Variants in SYNE1 observed in about 807,000 individuals in gnomAD.
SYNE1 encodes spectrin repeat containing nuclear envelope protein 1, also known as nesprin-1.
A neutral mutation model predicts 1,111.0 loss-of-function variants in SYNE1; 616 were observed. The ratio of observed to expected loss-of-function variants is 0.55; its 90% CI spans 0.52 to 0.59. The LOEUF (loss-of-function observed/expected upper bound fraction) is 0.59, where lower values mean the gene tolerates loss of function less well. Ranked by LOEUF, SYNE1 falls within the 20% of genes least tolerant of loss-of-function variation. The probability of loss-of-function intolerance (pLI) is 0.00; values close to 1 mark genes in which losing one functional copy is unlikely to be tolerated. For missense variants in SYNE1, 10,006 were observed against 10,417.0 expected (o/e 0.96, Z 1.72); for synonymous variants, 3,855 against 3,825.8 (o/e 1.01, Z -0.28).
intron 127 of SYNE1, among the ~76,000 whole-genome samples, chr6:152,199,347 C>CTATA (rs574301656): frequency 1.3e-5 from 2 of 152,290 alleles, no homozygotes; most frequent in East Asian, 3.9e-4. Context: ...TTTTCAAGCA[C>CTATA]TATAGAGTTG....
chr6:152,145,211 A>G (rs1562995345), intron 137 of SYNE1: 1 of 467,658 alleles, frequency 2.1e-6, no homozygotes, highest in Non-Finnish European at 3.9e-6. Flanking sequence ...TTTCCTTCTC[A>G]TATTTTCTGC....
intron 130 of SYNE1, among the ~76,000 whole-genome samples, chr6:152,172,238 A>G (rs1255136593): frequency 6.6e-6 from 1 of 152,178 alleles, no homozygotes; most frequent in Non-Finnish European, 1.5e-5. Flanking sequence ...GGGACTGACG[A>G]AAGTGTTTTA....
intron 131 of SYNE1, among the ~76,000 whole-genome samples, chr6:152,158,011 C>T (rs1237862817): frequency 6.6e-6 from 1 of 152,162 alleles, no homozygotes; most frequent in Middle Eastern, 3.2e-3. Context: ...CCCACCTCGG[C>T]CTCCCAAAGT....
chr6:152,484,858 A>T lies in SYNE1; in HGVS notation c.1162T>A (p.Ser388Thr). ...ACCCTGGAGGTCACTCTATCCCAAG[A>T]TTGTTTTACCAATGCTTGGTCAAGT... ...LSLDQALVKQ[S>T]WDRVTSRLFD... is the part of the protein sequence containing the mutation. The change falls in exon 13 of 146, where the codon TCT (serine) becomes ACT (threonine). Residue 388 changes from serine (S) to threonine (T), a missense_variant. This residue lies in a region of SYNE1 where 1,971 missense variants were observed against 2,084.1 expected (regional missense o/e 0.95). Transcript: ENST00000367255. 6.2e-7 allele frequency: 1 copy of T among 1,613,952 alleles called. No homozygotes were observed. Among genetic ancestry groups the T allele is most frequent in the Non-Finnish European group, 8.5e-7 (1 of 1,179,958 alleles).
At chr6:152,397,154 C>A (rs1055315585) in intron 49 of SYNE1, among the ~76,000 whole-genome samples, 174 bp from the exon 50 acceptor site, 25 of 152,314 alleles carry the variant, frequency 1.6e-4, no homozygotes, top group African/African-American at 6.0e-4. Context: ...AGAATGGTGT[C>A]AGCCAGCCAC....
At chr6:152,264,444 T>C (rs1415950825) in intron 100 of SYNE1, among the ~76,000 whole-genome samples, 1 of 152,082 alleles carries the variant, frequency 6.6e-6, no homozygotes. Flanking sequence ...CAATTATTCT[T>C]AGAATAAATG....
chr6:152,367,009 T>C (rs779500009), intron 62 of SYNE1: 2 of 716,694 alleles, frequency 2.8e-6, no homozygotes, highest in African/African-American at 1.7e-5. Flanking sequence ...CGGGCTTTAT[T>C]TTATTTTATT....
chr6:152,523,837 T>C (rs1365705837), intron 5 of SYNE1, among the ~76,000 whole-genome samples: 1 of 152,276 alleles, frequency 6.6e-6, no homozygotes, highest in African/African-American at 2.4e-5. Flanking sequence ...CTGATACTGA[T>C]ATTATTCTCG....
At chr6:152,472,090 C>A in intron 15 of SYNE1, 1 of 609,274 alleles carries the variant, frequency 1.6e-6, no homozygotes, top group Non-Finnish European at 2.9e-6. Context: ...TCTGTGATTT[C>A]TAGGCTGTGG....
chr6:152,399,027 A>C (rs563002030), intron 48 of SYNE1, among the ~76,000 whole-genome samples: 1 of 152,356 alleles, frequency 6.6e-6, no homozygotes, highest in African/African-American at 2.4e-5. Context: ...AAGAAAAATA[A>C]TTAATTGCCT....
At chr6:152,589,513 G>T (rs1034026589) in intron 3 of SYNE1, among the ~76,000 whole-genome samples, 1 of 152,094 alleles carries the variant, frequency 6.6e-6, no homozygotes, top group African/African-American at 2.4e-5. Flanking sequence ...AGAAGTGCAG[G>T]TCAGAAGTTA....
chr6:152,399,933 T>G, intron 47 of SYNE1, 110 bp from the exon 48 acceptor site: 2 of 1,209,426 alleles, frequency 1.7e-6, no homozygotes, highest in Non-Finnish European at 1.2e-6. Flanking sequence ...TTGAATCCAC[T>G]CCATGGTGTA....
chr6:152,406,902 T>TA, intron 45 of SYNE1, 112 bp downstream of exon 45: 2 of 758,946 alleles, frequency 2.6e-6, no homozygotes, highest in South Asian at 4.7e-5. Context: ...TAAAATAAAA[T>TA]AAAAAATAAA....
chr6:152,262,538 C>T (rs1355466254), intron 100 of SYNE1, among the ~76,000 whole-genome samples: 5 of 152,044 alleles, frequency 3.3e-5, no homozygotes, highest in African/African-American at 9.7e-5. Flanking sequence ...GGGAGAGTTA[C>T]GATTATGAGT....
intron 91 of SYNE1, 82 bp downstream of exon 91, chr6:152,308,407 C>A (rs2095445172): frequency 6.3e-7 from 1 of 1,593,328 alleles, no homozygotes; most frequent in Admixed American, 1.7e-5. Context: ...GGAAACTGTT[C>A]TCTTCCATTC....
At chr6:152,145,365 A>C (rs1042558705) in intron 137 of SYNE1, 9 of 895,760 alleles carry the variant, frequency 1.0e-5, no homozygotes, top group Non-Finnish European at 1.6e-5. Context: ...GCAGTAAGAG[A>C]GGAAGGCTGT....
At chr6:152,159,260 G>A (rs1345510165) in intron 131 of SYNE1, among the ~76,000 whole-genome samples, 1 of 152,178 alleles carries the variant, frequency 6.6e-6, no homozygotes, top group Non-Finnish European at 1.5e-5. Context: ...CTTCTTCTTA[G>A]TAATTTGTAT....
chr6:152,301,818 C>T (rs1260839525), intron 92 of SYNE1, 51 bp downstream of exon 92: 3 of 1,548,918 alleles, frequency 1.9e-6, no homozygotes, highest in East Asian at 2.3e-5. Flanking sequence ...TGGAGCCACT[C>T]GCCAGGCTCC....
intron 119 of SYNE1, among the ~76,000 whole-genome samples, chr6:152,220,257 A>G (rs1283945121): frequency 2.6e-5 from 4 of 152,228 alleles, no homozygotes; most frequent in African/African-American, 9.6e-5. Context: ...AAAAATAAAG[A>G]CAAATAAGGA....
Sources: allele counts gnomAD v4.1 joint callset (sites outside exome capture counted in the v4.1 genomes callset), GRCh38; gene constraint gnomAD v4.1.1; regional missense constraint gnomAD v4.1.1; transcripts MANE v1.5; gene names NCBI Gene and HGNC (gene_info 2026-07-23, HGNC 2026-07-21).